Variants in MAGI2 observed in about 807,000 individuals in gnomAD.
MAGI2 encodes membrane associated guanylate kinase, WW and PDZ domain containing 2, also known as membrane-associated guanylate kinase, WW and PDZ domain-containing protein 2.
MAGI2 carries 35 observed loss-of-function variants against 133.3 expected under a neutral mutation model. That is an observed-to-expected ratio of 0.26 (90% confidence interval 0.20 to 0.35). The LOEUF (loss-of-function observed/expected upper bound fraction) is 0.35. Ranked by LOEUF, MAGI2 falls within the 10% of genes least tolerant of loss-of-function variation. The pLI is 1.00. For missense variants in MAGI2, 1,636 were observed against 1,863.4 expected (o/e 0.88, Z 2.25); for synonymous variants, 729 against 710.6 (o/e 1.03, Z -0.41).
intron 1 of MAGI2, among the ~76,000 whole-genome samples, chr7:79,083,857 T>A (rs943942624): frequency 6.6e-6 from 1 of 151,770 alleles, no homozygotes; most frequent in Non-Finnish European, 1.5e-5. Flanking sequence ...TACTCATTAA[T>A]AGTATTCATA....
At chr7:78,681,271 A>G (rs1280122982) in intron 2 of MAGI2, among the ~76,000 whole-genome samples, 3 of 152,112 alleles carry the variant, frequency 2.0e-5, no homozygotes, top group African/African-American at 7.2e-5. Context: ...AGAACCAATC[A>G]GTTTGTATAT....
intron 21 of MAGI2, among the ~76,000 whole-genome samples, chr7:78,052,519 C>A (rs1051035275): frequency 2.0e-5 from 3 of 152,224 alleles, no homozygotes; most frequent in Admixed American, 2.0e-4. Flanking sequence ...TATAAATGAC[C>A]CATCCTCAGG....
chr7:79,029,731 A>C (rs1810378905), intron 1 of MAGI2, among the ~76,000 whole-genome samples: 8 of 152,174 alleles, frequency 5.3e-5, no homozygotes, highest in Admixed American at 3.9e-4. Flanking sequence ...AAGTTTTAAA[A>C]TATTTATTAC....
At chr7:79,310,191 A>AAAAC (rs1838165175) in intron 1 of MAGI2, among the ~76,000 whole-genome samples, 1 of 127,728 alleles carries the variant, frequency 7.8e-6, no homozygotes, top group Non-Finnish European at 1.6e-5. Flanking sequence ...AAAAAAAAAA[A>AAAAC]AAAAGAGAGA....
At chr7:78,659,091 A>G (rs1429980771) in intron 2 of MAGI2, among the ~76,000 whole-genome samples, 1 of 152,186 alleles carries the variant, frequency 6.6e-6, no homozygotes, top group Non-Finnish European at 1.5e-5. Flanking sequence ...GGAATGCTTA[A>G]ACGAACTATG....
chr7:78,608,650 GC>G (rs2150903663), intron 3 of MAGI2, among the ~76,000 whole-genome samples: 1 of 152,138 alleles, frequency 6.6e-6, no homozygotes, highest in East Asian at 1.9e-4. Flanking sequence ...TCCCTGGTAT[GC>G]CTATGTTGAT....
chr7:79,244,606 T>G (rs912529653), intron 1 of MAGI2, among the ~76,000 whole-genome samples: 7 of 152,170 alleles, frequency 4.6e-5, no homozygotes, highest in African/African-American at 1.4e-4. Context: ...CAGCTGAAAC[T>G]AGGGTTCTAG....
In MAGI2 at chr7:79,453,311, T is replaced by A; in HGVS notation, c.10A>T (p.Ser4Cys). The change falls in exon 1 of 22, where the codon AGC (serine) becomes TGC (cysteine). Residue 4 changes from serine (S) to cysteine (C), a missense_variant. By Grantham distance (112) the Ser-to-Cys change is moderately radical. This residue lies in a region of MAGI2 where 148 missense variants were observed against 239.0 expected (regional missense o/e 0.62). Transcript: ENST00000354212. The stretch of plus-strand genomic sequence containing the variant: ...GTCCAGTGGCTTTTCTTTTTCAAGC[T>A]TTTGGACATGGCAGTGGGGCGAGTC... MSK[S>C]LKKKSHWTSK... The A allele has an allele frequency of 6.2e-7, 1 of 1,609,970 alleles. No homozygotes were observed. Among genetic ancestry groups the A allele is most frequent in the Non-Finnish European group, 8.5e-7 (1 of 1,177,538 alleles).
intron 2 of MAGI2, among the ~76,000 whole-genome samples, chr7:78,856,520 A>G (rs1229504869): frequency 1.3e-5 from 2 of 152,120 alleles, no homozygotes; most frequent in Non-Finnish European, 2.9e-5. Context: ...TCCTTTCCCC[A>G]TTGCTTGTTT....
intron 2 of MAGI2, among the ~76,000 whole-genome samples, chr7:78,783,133 C>T (rs1826532857): frequency 6.6e-6 from 1 of 150,602 alleles, no homozygotes; most frequent in South Asian, 2.1e-4. Flanking sequence ...GCAGAGTGCC[C>T]AAGAAAAATA....
intron 1 of MAGI2, among the ~76,000 whole-genome samples, chr7:79,051,409 C>A (rs964438720): frequency 2.0e-5 from 3 of 152,160 alleles, no homozygotes; most frequent in Admixed American, 6.5e-5. Context: ...ACATTGACAG[C>A]GTCTCAGTAT....
chr7:78,061,159 C>G, intron 21 of MAGI2, among the ~76,000 whole-genome samples: 1 of 109,480 alleles, frequency 9.1e-6, no homozygotes, highest in African/African-American at 4.0e-5. Flanking sequence ...GCAAGACTGT[C>G]TCAAAAAAAA....
intron 2 of MAGI2, among the ~76,000 whole-genome samples, chr7:78,731,047 A>C (rs1013796497): frequency 6.6e-6 from 1 of 152,154 alleles, no homozygotes; most frequent in East Asian, 1.9e-4. Flanking sequence ...TTTCTTAAAA[A>C]AAAAAGCTCC....
chr7:79,283,610 A>C (rs1437923600), intron 1 of MAGI2, among the ~76,000 whole-genome samples: 1 of 152,186 alleles, frequency 6.6e-6, no homozygotes, highest in East Asian at 1.9e-4. Flanking sequence ...ATGTGATGCA[A>C]TTATGGCCAA....
At chr7:78,855,676 C>G (rs138316059) in intron 2 of MAGI2, among the ~76,000 whole-genome samples, 2,473 of 152,272 alleles carry the variant, frequency 0.016, 27 homozygotes, top group Non-Finnish European at 0.028. Context: ...TGGGTTGGTT[C>G]CAAGTCTTTG....
At chr7:79,054,873 C>T (rs972668346) in intron 1 of MAGI2, among the ~76,000 whole-genome samples, 5 of 152,202 alleles carry the variant, frequency 3.3e-5, no homozygotes, top group Non-Finnish European at 7.3e-5. Flanking sequence ...TCACCATAAC[C>T]TCCGCCTCCC....
intron 21 of MAGI2, among the ~76,000 whole-genome samples, chr7:78,066,184 A>G (rs1219642751): frequency 6.6e-6 from 1 of 152,176 alleles, no homozygotes; most frequent in Admixed American, 6.5e-5. Flanking sequence ...ATTCATGGTC[A>G]GGCACGGTGG....
At chr7:78,480,759 C>A (rs1792281528) in intron 6 of MAGI2, among the ~76,000 whole-genome samples, 1 of 151,860 alleles carries the variant, frequency 6.6e-6, no homozygotes, top group Admixed American at 6.6e-5. Flanking sequence ...AAATCAATCT[C>A]ATGTATATAT....
At chr7:78,765,343 C>CTT (rs10672746) in intron 2 of MAGI2, among the ~76,000 whole-genome samples, 9,819 of 88,942 alleles carry the variant, frequency 0.11, 1,641 homozygotes, top group African/African-American at 0.17. Context: ...TAGTGCACAT[C>CTT]TTTTTTTTTT....
Sources: allele counts gnomAD v4.1 joint callset (sites outside exome capture counted in the v4.1 genomes callset), GRCh38; gene constraint gnomAD v4.1.1; regional missense constraint gnomAD v4.1.1; transcripts MANE v1.5; gene names NCBI Gene and HGNC (gene_info 2026-07-23, HGNC 2026-07-21).